M1AP: variants seen among roughly 807,000 people sequenced by gnomAD.
M1AP encodes the protein meiosis 1 arrest protein.
Under a neutral mutation model 51.2 loss-of-function variants are expected in M1AP, and 39 were observed. That is an observed-to-expected ratio of 0.76 (90% CI 0.59 to 1.00). The LOEUF (loss-of-function observed/expected upper bound fraction) is 1.00, where lower values mean the gene tolerates loss of function less well. Among genes scored for constraint, M1AP ranks in the 50% least tolerant of loss-of-function variants. The pLI is 0.00. For missense variants in M1AP, 545 were observed against 641.2 expected, an observed-to-expected ratio of 0.85 and a Z score of 1.62; for synonymous variants, 251 against 249.2, an observed-to-expected ratio of 1.01 and a Z score of -0.07.
rs766843283 is a variant in M1AP, at chr2:74,560,235, G to T, written c.1338C>A (p.Ser446Arg). ...TGCTGCTCAGGTGTGAGTACAGGTGGCTTTGAACATGCAAGGGGTTGTAGG... is the reference window on the plus strand; with the variant it reads ...TGCTGCTCAGGTGTGAGTACAGGTGTCTTTGAACATGCAAGGGGTTGTAGG... ...EPTYNPLHVQ[S>R]HLYSHLSSIY... is the part of the protein sequence containing the mutation. Residue 446 changes from serine to arginine, a missense_variant, in exon 9 of 11, where the codon AGC becomes AGA. Transcript: ENST00000421985. 1.2e-6 allele frequency: 2 copies of T among 1,613,808 alleles called. No homozygotes were observed. The highest frequency in any genetic ancestry group is 8.5e-7 in the Non-Finnish European group (1 of 1,179,886).
intron 4 of M1AP, among the ~76,000 whole-genome samples, chr2:74,582,981 A>G (rs1042862577): frequency 2.6e-5 from 4 of 152,170 alleles, no homozygotes; most frequent in African/African-American, 9.7e-5. Context: ...AGATCAGGCC[A>G]CTGCATTCCA....
At chr2:74,580,731 G>A (rs1046084649) in intron 5 of M1AP, among the ~76,000 whole-genome samples, 33 of 152,224 alleles carry the variant, frequency 2.2e-4, no homozygotes, top group African/African-American at 7.5e-4. Context: ...CAAAACTTAT[G>A]AGAAGGGCTT....
At chr2:74,591,108 A>T (rs1204171682) in intron 4 of M1AP, among the ~76,000 whole-genome samples, 1 of 152,246 alleles carries the variant, frequency 6.6e-6, no homozygotes, top group Non-Finnish European at 1.5e-5. Flanking sequence ...TTAAAGCACC[A>T]TGCAACTATA....
intron 2 of M1AP, among the ~76,000 whole-genome samples, chr2:74,626,523 T>C (rs13384594): frequency 6.6e-6 from 1 of 152,190 alleles, no homozygotes; most frequent in Admixed American, 6.5e-5. Context: ...CCTCCCAAAG[T>C]GCTAGGATTA....
intron 2 of M1AP, among the ~76,000 whole-genome samples, chr2:74,631,349 G>C (rs1682693250): frequency 6.6e-6 from 1 of 152,060 alleles, no homozygotes; most frequent in African/African-American, 2.4e-5. Flanking sequence ...ATTCCCTTAA[G>C]TTAATCTTTA....
intron 2 of M1AP, among the ~76,000 whole-genome samples, chr2:74,618,303 C>T (rs1487299245): frequency 1.3e-5 from 2 of 152,200 alleles, no homozygotes; most frequent in East Asian, 1.9e-4. Context: ...GCCAAGAGTG[C>T]TCAGCGTGCA....
At chr2:74,559,085 A>G (rs1465785567) in intron 10 of M1AP, among the ~76,000 whole-genome samples, 2 of 152,152 alleles carry the variant, frequency 1.3e-5, no homozygotes, top group Non-Finnish European at 2.9e-5. Context: ...CAGCTTGCCT[A>G]GCAGCTAACT....
chr2:74,575,232 T>A (rs1374296771), intron 7 of M1AP: 1 of 934,392 alleles, frequency 1.1e-6, no homozygotes, highest in Non-Finnish European at 1.3e-6. Flanking sequence ...TAGTGTTGTA[T>A]AACTGAATTC....
intron 4 of M1AP, among the ~76,000 whole-genome samples, chr2:74,591,023 A>G (rs1421239943): frequency 6.6e-6 from 1 of 152,236 alleles, no homozygotes; most frequent in Non-Finnish European, 1.5e-5. Context: ...AGTGGGAATG[A>G]TAGTGATACC....
intron 4 of M1AP, among the ~76,000 whole-genome samples, chr2:74,585,315 C>T (rs540200547): frequency 6.6e-6 from 1 of 152,302 alleles, no homozygotes; most frequent in South Asian, 2.1e-4. Context: ...ATGTGTTTGT[C>T]AAGTCTCTGC....
chr2:74,576,792 G>T, intron 5 of M1AP, 174 bp from the exon 6 acceptor site: 1 of 1,268,136 alleles, frequency 7.9e-7, no homozygotes, highest in Non-Finnish European at 1.1e-6. Flanking sequence ...AGCCTGACTG[G>T]TTTGGAAAGG....
Position 74,609,222 on chromosome 2 carries a change from T to TAA in M1AP, c.427-2000_427-1999insTT, listed in dbSNP as rs1353595349. Among the ~76,000 whole-genome samples, 711 of 152,276 alleles carry TAA rather than the reference T, an allele frequency of 4.7e-3. 7 individuals carry two copies. Among genetic ancestry groups the TAA allele is most frequent in the African/African-American group, 0.016 (682 of 41,552 alleles). ...TCTCCTCATGCACCCTTCCCCCCTA[T>TAA]CCTCAGCCTCTGATAACCACTATTC... On this transcript the variant is annotated intron_variant, in intron 3 of 10. Transcript: ENST00000421985.
rs531125608 is a variant in M1AP, at chr2:74,647,817, C to T, written c.-53+448G>A. On this transcript the variant is annotated intron_variant, in intron 1 of 10. Coordinates refer to ENST00000421985, the MANE Select transcript of M1AP (RefSeq NM_001321739.2). Reference sequence around the variant, plus strand: ...AGCTGAGGCGGAGAATCACTTGAACCCGGGAGGCGGAGGTTGCAGTGAGCC... The same window carrying T: ...AGCTGAGGCGGAGAATCACTTGAACTCGGGAGGCGGAGGTTGCAGTGAGCC... Among the ~76,000 whole-genome samples, 336 of 152,312 alleles carry T rather than the reference C, an allele frequency of 2.2e-3. 3 individuals are homozygous for T. The highest frequency in any genetic ancestry group is 3.9e-3 in the Admixed American group (60 of 15,304).
At chr2:74,576,696 T>C (rs1679096851) in intron 5 of M1AP, 78 bp from the exon 6 acceptor site, 2 of 1,510,036 alleles carry the variant, frequency 1.3e-6, no homozygotes, top group Non-Finnish European at 1.8e-6. Flanking sequence ...CCTTAGGCTA[T>C]GCCATTAAGA....
At chr2:74,574,251 T>C (rs996029890) in intron 7 of M1AP, among the ~76,000 whole-genome samples, 1 of 152,258 alleles carries the variant, frequency 6.6e-6, no homozygotes, top group East Asian at 1.9e-4. Context: ...GTTAGTTTCA[T>C]GTGACTGCTT....
At chr2:74,561,232 AAGGAGGAGG>A (rs374729127) in intron 8 of M1AP, among the ~76,000 whole-genome samples, 1 of 34,244 alleles carries the variant, frequency 2.9e-5, no homozygotes, top group East Asian at 7.5e-4. Flanking sequence ...GGAGGAGGAG[AAGGAGGAGG>A]AGGAGGAGGA....
intron 9 of M1AP, 78 bp downstream of exon 9, chr2:74,560,073 A>T: frequency 1.3e-6 from 2 of 1,488,920 alleles, no homozygotes; most frequent in Non-Finnish European, 1.8e-6. Flanking sequence ...GGGATGGGGG[A>T]GGAGGGTTTT....
At position 74,560,261 on chromosome 2, in the gene M1AP, T is replaced by C. The variant is rs1425272206; in HGVS notation, c.1312A>G (p.Thr438Ala). ...CTTTGAACATGCAAGGGGTTGTAGG[T>C]GGGCTCCAGCTCCAGGCTGTCCAGC... ...SMLDSLELEPTYNPLHVQSHL... is the reference protein window; with the variant it reads ...SMLDSLELEPAYNPLHVQSHL... Residue 438 changes from threonine (T) to alanine (A), a missense_variant, in exon 9 of 11, where the codon ACC (threonine) becomes GCC (alanine). Transcript: ENST00000421985. 6.2e-7 allele frequency: 1 copy of C among 1,612,212 alleles called. No homozygotes were observed. Among genetic ancestry groups the C allele is most frequent in the Non-Finnish European group, 8.5e-7 (1 of 1,179,174 alleles).
Position 74,575,570 on chromosome 2 carries a change from T to A in M1AP, c.942A>T (p.Lys314Asn). 1 of 1,613,874 alleles carries A rather than the reference T, an allele frequency of 6.2e-7. No homozygotes were observed. The highest frequency in any genetic ancestry group is 8.5e-7 in the Non-Finnish European group (1 of 1,179,824). ...TCAATGACTCGCAGAGCCCGCTAGATTTTAAAGCCCTAGGAAGAGATAATT... is the reference window on the plus strand; with the variant it reads ...TCAATGACTCGCAGAGCCCGCTAGAATTTAAAGCCCTAGGAAGAGATAATT... Reference protein sequence around the residue: ...HYKLQVIKALKSSGLCESLTY... With the variant: ...HYKLQVIKALNSSGLCESLTY... The change falls in exon 7 of 11, where the codon AAA becomes AAT. Residue 314 changes from lysine (K) to asparagine (N), a missense_variant. Transcript: ENST00000421985.
Sources: gnomAD v4.1 joint callset for allele counts (sites outside exome capture counted in the v4.1 genomes callset) on GRCh38, gnomAD v4.1.1 for gene constraint, MANE v1.5 for transcripts, NCBI Gene and HGNC (gene_info 2026-07-23, HGNC 2026-07-21) for gene names.